The following RIPK4 variants were observed in gnomAD, a reference collection of about 807,000 sequenced individuals.
The protein encoded by RIPK4 is receptor-interacting serine/threonine-protein kinase 4.
RIPK4 carries 17 observed loss-of-function variants against 42.9 expected under a neutral mutation model. The observed-to-expected ratio is 0.40, with a 90% CI of 0.27 to 0.59. RIPK4 has a LOEUF of 0.59. Ranked by LOEUF, RIPK4 falls within the 20% of genes least tolerant of loss-of-function variation. RIPK4 has a pLI of 0.47. For missense variants in RIPK4, 897 were observed against 1,104.4 expected (o/e 0.81, Z 2.66); for synonymous variants, 498 against 499.1 (o/e 1.00, Z 0.03).
chr21:41,743,449 C>T (rs978528541), intron 7 of RIPK4, among the ~76,000 whole-genome samples: 1 of 152,250 alleles, frequency 6.6e-6, no homozygotes, highest in African/African-American at 2.4e-5. Context: ...GCCTGGACTA[C>T]CGTGAACGGG....
intron 1 of RIPK4, among the ~76,000 whole-genome samples, chr21:41,764,896 G>GCGATGCTGACCTCGACCTAGC (rs2061231610): frequency 6.6e-6 from 1 of 152,212 alleles, no homozygotes; most frequent in Non-Finnish European, 1.5e-5. Flanking sequence ...TTCCTGCTAG[G>GCGATGCTGACCTCGACCTAGC]CGATGCTGAC....
rs753060606 is a variant in RIPK4 at position 41,746,642 on chromosome 21, C to A, written c.803G>T (p.Gly268Val). The change falls in exon 5 of 8, where the codon GGG becomes GTG. Residue 268 changes from glycine to valine, a missense_variant. By Grantham distance (109) the Gly-to-Val change is moderately radical. Coordinates refer to ENST00000332512, the MANE Select transcript of RIPK4 (RefSeq NM_020639.3). ...LIRLMQRCWQ[G>V]DPRVRPTFQE... ...GAAGGTGGGCCTAACTCGCGGATCC[C>A]CCTGCCAGCACCGCTGCATGAGGCG... 7.5e-6 allele frequency: 12 copies of A among 1,610,690 alleles called. No homozygotes were observed. In the South Asian group the frequency reaches 1.3e-4, roughly 18 times the overall value.
In RIPK4 at chr21:41,746,628, TA is replaced by T; in HGVS notation, c.816del (p.Arg273GlyfsTer22). ...GGGTGCTCACCTTGGAAGGTGGGCC[TA>T]ACTCGCGGATCCCCCTGCCAGCACC... Reference protein sequence around the residue: ...MQRCWQGDPRVRPTFQEITSE... With the variant: ...MQRCWQGDPRXRPTFQEITSE... On this transcript the variant is annotated frameshift_variant, in exon 5 of 8. Coordinates refer to ENST00000332512, the MANE Select transcript of RIPK4 (RefSeq NM_020639.3). LOFTEE classifies it high-confidence loss of function. The T allele has an allele frequency of 6.2e-7, 1 of 1,610,222 alleles. No homozygotes were observed. Among genetic ancestry groups the T allele is most frequent in the Non-Finnish European group, 8.5e-7 (1 of 1,179,684 alleles).
chr21:41,741,371 A>G lies in RIPK4; in HGVS notation c.1822T>C (p.Leu608=), dbSNP rs1347145072. 5 of 1,612,010 alleles carry G rather than the reference A, an allele frequency of 3.1e-6. No individual in the cohort carries two copies. The highest frequency in any genetic ancestry group is 1.1e-5 in the South Asian group (1 of 91,058). Residue 608 remains leucine, a synonymous_variant, in exon 8 of 8, where the codon TTG becomes CTG. Transcript: ENST00000332512. ...NAQTLDGRTP[L]HLAAQRGHYR... ...TGCCCGCGCTGTGCGGCCAGGTGCA[A>G]TGGCGTCCTCCCATCCAGCGTCTGG...
chr21:41,749,889 T>TAAAAAAAAAAA (rs776305508), intron 3 of RIPK4, among the ~76,000 whole-genome samples: 2 of 99,390 alleles, frequency 2.0e-5, no homozygotes, highest in Non-Finnish European at 4.3e-5. Flanking sequence ...CCAAATTGAT[T>TAAAAAAAAAAA]AAAAAAAAAA....
rs780011874 is a variant in RIPK4, at chr21:41,767,049, G to C, written c.-8C>G. 2.6e-6 allele frequency: 4 copies of C among 1,540,316 alleles called. No individual in the cohort carries two copies. The African/African-American group carries it at 5.7e-5, about 22-fold the overall frequency. ...CCCGCCGTCGCCCTCCATCGCGCAC[G>C]TCTAGCCAGCGCCGCGGCGGCTGCC... is the stretch of plus-strand genomic sequence containing the variant. On this transcript the variant is annotated 5_prime_UTR_variant, in exon 1 of 8. Coordinates refer to ENST00000332512, the MANE Select transcript of RIPK4 (RefSeq NM_020639.3). The surrounding 1 kb of genome is among the most constrained non-coding windows in gnomAD (Gnocchi z 4.0).
rs947722398 is a variant in RIPK4, at chr21:41,767,043, G to A, written c.-2C>T. Reference sequence around the variant, plus strand: ...TGGGGTCCCGCCGTCGCCCTCCATCGCGCACGTCTAGCCAGCGCCGCGGCG... The same window carrying A: ...TGGGGTCCCGCCGTCGCCCTCCATCACGCACGTCTAGCCAGCGCCGCGGCG... On this transcript the variant is annotated 5_prime_UTR_variant, in exon 1 of 8. Coordinates refer to ENST00000332512, the MANE Select transcript of RIPK4 (RefSeq NM_020639.3). This position sits in a 1 kb window ranked among gnomAD's most constrained non-coding sequence, Gnocchi z 4.0. 6.4e-7 allele frequency: 1 copy of A among 1,565,994 alleles called. No homozygotes were observed. Among genetic ancestry groups the A allele is most frequent in the South Asian group, 1.2e-5 (1 of 85,934 alleles).
At chr21:41,761,687 T>C (rs2061220794) in intron 1 of RIPK4, among the ~76,000 whole-genome samples, 1 of 152,202 alleles carries the variant, frequency 6.6e-6, no homozygotes, top group Non-Finnish European at 1.5e-5. Flanking sequence ...GAGAGTGAAC[T>C]CTCTAAGCCA....
In RIPK4 at chr21:41,740,903, G is replaced by T. The variant is rs754331639; in HGVS notation, c.2290C>A (p.Gln764Lys). Residue 764 changes from glutamine to lysine, a missense_variant, in exon 8 of 8, where the codon CAG becomes AAG. Coordinates refer to ENST00000332512, the MANE Select transcript of RIPK4 (RefSeq NM_020639.3). ...TGGCCGCCCTGGAACTTGAGGCTCT[G>T]CAGGTTGATGTGGGCCCCATGCCTG... ...LLRHGAHINL[Q>K]SLKFQGGHGP... The T allele has an allele frequency of 5.6e-6, 9 of 1,612,488 alleles. No homozygotes were observed. The highest frequency in any genetic ancestry group is 1.7e-4 in the Middle Eastern group (1 of 6,054).
intron 1 of RIPK4, among the ~76,000 whole-genome samples, chr21:41,757,104 T>C (rs1258283369): frequency 1.3e-5 from 2 of 152,150 alleles, no homozygotes; most frequent in Non-Finnish European, 2.9e-5. Flanking sequence ...GGTCCACGTG[T>C]GTGAATAATT....
At chr21:41,746,882 C>T (rs541790408) in intron 4 of RIPK4, 111 bp from the exon 5 acceptor site, 3 of 1,262,622 alleles carry the variant, frequency 2.4e-6, no homozygotes, top group East Asian at 2.4e-5. Context: ...CATCCCCACA[C>T]CACCCCAGGG....
intron 3 of RIPK4, among the ~76,000 whole-genome samples, chr21:41,750,552 G>A (rs558813639): frequency 2.0e-5 from 3 of 152,282 alleles, no homozygotes; most frequent in Admixed American, 1.3e-4. Flanking sequence ...GCTCTGACAG[G>A]GCAGGGCTGT....
intron 5 of RIPK4, chr21:41,746,171 C>T (rs779362583): frequency 2.2e-5 from 14 of 650,620 alleles, no homozygotes; most frequent in Non-Finnish European, 3.7e-5. Flanking sequence ...CAGCCCGTTT[C>T]CTGCCGTAAG....
Position 41,767,000 on chromosome 21 carries a change from C to T in RIPK4, c.42G>A (p.Leu14=), listed in dbSNP as rs757169404. The T allele has an allele frequency of 9.4e-6, 15 of 1,600,680 alleles. No homozygotes were observed. In the East Asian group the frequency reaches 3.2e-4, roughly 35 times the overall value. Reference sequence around the variant, plus strand: ...TGAACTCGCCCGCGTCGAAGGTGCGCAGCAGCGCCAGGGCCCATGGGGTCC... The same window carrying T: ...TGAACTCGCCCGCGTCGAAGGTGCGTAGCAGCGCCAGGGCCCATGGGGTCC... ...DGGTPWALAL[L]RTFDAGEFTG... Residue 14 remains leucine, a synonymous_variant, in exon 1 of 8, where the codon CTG becomes CTA. Transcript: ENST00000332512.
chr21:41,757,998 C>CAAA lies in RIPK4; in HGVS notation c.183-1185_183-1183dup, dbSNP rs530283443. On this transcript the variant is annotated intron_variant, in intron 1 of 7. Coordinates refer to ENST00000332512, the MANE Select transcript of RIPK4 (RefSeq NM_020639.3). Reference sequence around the variant, plus strand: ...TGGGCGACACAGAGAGACTCCATAACAAAAAAAAAAAAAAAAAAAAAAAAT... The same window carrying CAAA: ...TGGGCGACACAGAGAGACTCCATAACAAAAAAAAAAAAAAAAAAAAAAAAAAAT... Among the ~76,000 whole-genome samples, 99 of 13,080 alleles carry CAAA rather than the reference C, an allele frequency of 7.6e-3. 7 individuals carry two copies. The highest frequency in any genetic ancestry group is 0.013 in the East Asian group (5 of 374). 8.6% of individuals were successfully genotyped at this position (13,080 alleles called of 152,430 possible).
rs979848298 is a variant in RIPK4, at chr21:41,751,301, A to G, written c.475-56T>C. 6.3e-7 allele frequency: 1 copy of G among 1,595,720 alleles called. No individual in the cohort carries two copies. On this transcript the variant is annotated intron_variant, in intron 2 of 7. Transcript: ENST00000332512. The surrounding 1 kb of genome is among the most constrained non-coding windows in gnomAD (Gnocchi z 4.5). ...TAGCCTGCAACAGTGATATTTTATG[A>G]TGCTTTATCAAAAGCTCCCTTCTGC...
chr21:41,765,755 T>C (rs1198576313), intron 1 of RIPK4, among the ~76,000 whole-genome samples: 2 of 152,250 alleles, frequency 1.3e-5, no homozygotes, highest in East Asian at 3.9e-4. Context: ...AAGGAATCTC[T>C]AGGTAAAATA....
At chr21:41,750,798 G>C (rs896653903) in intron 3 of RIPK4, among the ~76,000 whole-genome samples, 1 of 152,120 alleles carries the variant, frequency 6.6e-6, no homozygotes, top group Non-Finnish European at 1.5e-5. Context: ...CCCAACCTCA[G>C]TCCCGAGTAG....
chr21:41,752,323 C>T (rs2061190931), intron 2 of RIPK4, among the ~76,000 whole-genome samples: 1 of 152,204 alleles, frequency 6.6e-6, no homozygotes, highest in Non-Finnish European at 1.5e-5. Flanking sequence ...CTGGGCTGGC[C>T]ATGCCCATGT....
Sources: allele counts gnomAD v4.1 joint callset (sites outside exome capture counted in the v4.1 genomes callset), GRCh38; gene constraint gnomAD v4.1.1; non-coding constraint Gnocchi (gnomAD v3.1); transcripts MANE v1.5; gene names NCBI Gene and HGNC (gene_info 2026-07-23, HGNC 2026-07-21).